Variants in MICAL2 observed in about 807,000 individuals in gnomAD.
The protein encoded by MICAL2 is microtubule associated monooxygenase, calponin and LIM domain containing 2.
MICAL2 carries 77 observed loss-of-function variants against 127.3 expected under a neutral mutation model. That is an observed-to-expected ratio of 0.60 (90% CI 0.50 to 0.73). The LOEUF is 0.73. Ranked by LOEUF, MICAL2 falls within the 30% of genes least tolerant of loss-of-function variation. The pLI, the probability that MICAL2 is intolerant of heterozygous loss-of-function variation, is 0.00. For synonymous variants in MICAL2, 570 were observed against 551.1 expected (o/e 1.03, Z -0.48); for missense variants, 1,351 against 1,434.4 (o/e 0.94, Z 0.94).
chr11:12,259,969 A>G (rs1374545836), intron 26 of MICAL2, 72 bp downstream of exon 26: 1 of 1,576,972 alleles, frequency 6.3e-7, no homozygotes, highest in East Asian at 2.4e-5. Context: ...GTGTAACTGG[A>G]TGCAGGGACT....
downstream of MICAL2, chr11:12,294,847 G>T (rs755458847): frequency 7.7e-7 from 1 of 1,304,952 alleles, no homozygotes; most frequent in Non-Finnish European, 9.8e-7. Flanking sequence ...CTCCTACAGC[G>T]GGAGGTGCAG....
chr11:12,231,130 C>T (rs1858202022), intron 15 of MICAL2, among the ~76,000 whole-genome samples: 1 of 152,234 alleles, frequency 6.6e-6, no homozygotes, highest in African/African-American at 2.4e-5. Flanking sequence ...CTCAGACTCA[C>T]AATACCTACC....
downstream of MICAL2, among the ~76,000 whole-genome samples, chr11:12,288,769 C>T (rs1863858078): frequency 6.6e-6 from 1 of 152,174 alleles, no homozygotes; most frequent in Non-Finnish European, 1.5e-5. Flanking sequence ...CTCAGGCTGC[C>T]GCCCCTAGAG....
chr11:12,250,154 C>T (rs747144100), intron 22 of MICAL2: 1 of 152,160 alleles, frequency 6.6e-6, no homozygotes, highest in Non-Finnish European at 1.5e-5. Context: ...GCAGGGAGCT[C>T]GTCCTGTGTG....
intron 8 of MICAL2, among the ~76,000 whole-genome samples, chr11:12,217,274 A>G (rs1856292140): frequency 6.6e-6 from 1 of 152,150 alleles, no homozygotes; most frequent in Admixed American, 6.5e-5. Context: ...GTCAGAGAAG[A>G]ATGCAGCTAT....
intron 10 of MICAL2, among the ~76,000 whole-genome samples, 200 bp downstream of exon 10, chr11:12,221,959 T>C (rs1435682097): frequency 1.3e-5 from 2 of 152,190 alleles, no homozygotes; most frequent in Non-Finnish European, 2.9e-5. Flanking sequence ...ACAGTGACTT[T>C]CTCTGGGGCC....
chr11:12,300,440 C>T (rs1490480176), intron 29 of MICAL2, among the ~76,000 whole-genome samples: 3 of 152,126 alleles, frequency 2.0e-5, no homozygotes, highest in African/African-American at 2.4e-5. Context: ...GAGAGATTGT[C>T]CTGGGTGGGC....
Position 12,297,622 on chromosome 11 carries a change from A to G in MICAL2, c.5212+2765A>G, listed in dbSNP as rs551626548. ...CAAGTTTGTAGAAGAATTTTCTCAC[A>G]GTTTCTTCTAGTCTTCTTGATTGTT... On this transcript the variant is annotated intron_variant, in intron 29 of 34. Coordinates refer to the MICAL2 transcript ENST00000646065. Among the ~76,000 whole-genome samples the G allele has an allele frequency of 1.1e-4, 16 of 152,206 alleles. No homozygotes were observed. In the South Asian group the frequency reaches 2.7e-3, roughly 26 times the overall value.
intron 2 of MICAL2, among the ~76,000 whole-genome samples, chr11:12,157,749 A>G (rs774658388): frequency 6.6e-5 from 10 of 152,028 alleles, no homozygotes; most frequent in Non-Finnish European, 1.3e-4. Context: ...AAGGATAGCC[A>G]CCAAAGGTTT....
At chr11:12,295,830 G>A (rs1863979543), downstream of MICAL2, among the ~76,000 whole-genome samples, 1 of 151,884 alleles carries the variant, frequency 6.6e-6, no homozygotes, top group South Asian at 2.1e-4. Context: ...TTGTCTTATT[G>A]TTAACTTATA....
downstream of MICAL2, among the ~76,000 whole-genome samples, chr11:12,289,592 G>A (rs1419339470): frequency 1.5e-5 from 2 of 134,514 alleles, no homozygotes; most frequent in Non-Finnish European, 3.1e-5. Context: ...TTCTTGAGAT[G>A]GGGTCTCACT....
At chr11:12,264,778 C>T (rs1449251430), downstream of MICAL2, among the ~76,000 whole-genome samples, 7 of 152,156 alleles carry the variant, frequency 4.6e-5, no homozygotes, top group African/African-American at 1.7e-4. Flanking sequence ...AAGTCAGGTG[C>T]TGGGCTGTGC....
At chr11:12,114,209 T>C (rs1328436120) in intron 1 of MICAL2, among the ~76,000 whole-genome samples, 2 of 152,270 alleles carry the variant, frequency 1.3e-5, no homozygotes, top group Non-Finnish European at 2.9e-5. Context: ...GGAATATTTA[T>C]TCCTGAGATA....
chr11:12,169,851 G>A (rs776325536), intron 3 of MICAL2, among the ~76,000 whole-genome samples: 1 of 152,230 alleles, frequency 6.6e-6, no homozygotes, highest in South Asian at 2.1e-4. Flanking sequence ...CCTCCCTGGA[G>A]TGGATACTCC....
At chr11:12,155,033 C>A (rs550241141) in intron 2 of MICAL2, among the ~76,000 whole-genome samples, 3 of 152,136 alleles carry the variant, frequency 2.0e-5, no homozygotes, top group Non-Finnish European at 2.9e-5. Context: ...TGAAATGAGA[C>A]AGGATGGTAA....
chr11:12,209,898 T>C (rs1855225624), intron 6 of MICAL2, among the ~76,000 whole-genome samples: 1 of 152,108 alleles, frequency 6.6e-6, no homozygotes, highest in Admixed American at 6.5e-5. Flanking sequence ...TATGTGAAAA[T>C]GCTTTATAAA....
chr11:12,245,342 TA>T, intron 21 of MICAL2, among the ~76,000 whole-genome samples: 1 of 152,198 alleles, frequency 6.6e-6, no homozygotes, highest in East Asian at 1.9e-4. Flanking sequence ...TCTGTGCTGT[TA>T]GACTGATGCA....
chr11:12,178,486 G>A (rs1857081528), intron 3 of MICAL2, among the ~76,000 whole-genome samples: 1 of 151,786 alleles, frequency 6.6e-6, no homozygotes, highest in Admixed American at 6.6e-5. Flanking sequence ...CAGGCATGGG[G>A]GCTTCCAGGA....
intron 24 of MICAL2, 145 bp from the exon 25 acceptor site, chr11:12,258,323 G>A (rs1420846862): frequency 1.6e-6 from 1 of 642,316 alleles, no homozygotes; most frequent in Non-Finnish European, 2.8e-6. Context: ...GGTGACAGAA[G>A]CCGTTTCCCA....
Sources: gnomAD v4.1 joint callset for allele counts (sites outside exome capture counted in the v4.1 genomes callset) on GRCh38, gnomAD v4.1.1 for gene constraint, MANE v1.5 for transcripts, NCBI Gene and HGNC (gene_info 2026-07-23, HGNC 2026-07-21) for gene names.